The following CSGALNACT1 variants were observed in gnomAD, a reference collection of about 807,000 sequenced individuals.
The protein encoded by CSGALNACT1 is beta4GalNAcT-1.
Under a neutral mutation model 51.0 loss-of-function variants are expected in CSGALNACT1, and 52 were observed. The observed-to-expected ratio is 1.02, with a 90% confidence interval of 0.82 to 1.29. The LOEUF is 1.29. CSGALNACT1 is among the 50% of genes most tolerant of loss of function. The pLI is 0.00. For missense variants in CSGALNACT1, 935 were observed against 679.2 expected (o/e 1.38, Z -4.19); for synonymous variants, 341 against 254.4 (o/e 1.34, Z -3.24).
chr8:19,749,799 G>A (rs1277566368), intron 1 of CSGALNACT1, among the ~76,000 whole-genome samples: 2 of 152,188 alleles, frequency 1.3e-5, no homozygotes, highest in African/African-American at 2.4e-5. Flanking sequence ...CCCTTAAAGA[G>A]CTCCAGTAGT....
exon 10 of CSGALNACT1, chr8:19,405,075 C>A (rs1277051888): frequency 2.2e-6 from 1 of 453,546 alleles, no homozygotes; most frequent in Non-Finnish European, 4.4e-6. Context: ...AAATGTAGGC[C>A]AACTTGTGCT....
At position 19,641,275 on chromosome 8, in the gene CSGALNACT1, G is replaced by A. The variant is rs549139645; in HGVS notation, c.-543-39410C>T. The stretch of plus-strand genomic sequence containing the variant: ...CCCTCTATGCCCACAATCCCTACCC[G>A]TCCTGGGGAGTCTGGGCTTTCTCCA... On this transcript the variant is annotated intron_variant, in intron 1 of 9. Transcript: ENST00000332246. 1.6e-4 allele frequency among the ~76,000 whole-genome samples: 24 copies of A among 151,654 alleles called. No individual in the cohort carries two copies. The South Asian group carries it at 2.5e-3, about 16-fold the overall frequency.
chr8:19,677,197 T>G (rs1261617932), intron 1 of CSGALNACT1, among the ~76,000 whole-genome samples: 1 of 151,782 alleles, frequency 6.6e-6, no homozygotes, highest in Non-Finnish European at 1.5e-5. Flanking sequence ...CAGCCTTGAG[T>G]TTTTGGGCTC....
exon 4 of CSGALNACT1, chr8:19,505,739 C>T (rs2077211125): frequency 6.2e-7 from 1 of 1,614,162 alleles, no homozygotes; most frequent in Non-Finnish European, 8.5e-7. Context: ...GGGTGCAGGC[C>T]AACATGTACA....
exon 2 of CSGALNACT1, chr8:19,601,792 G>A: frequency 2.2e-6 from 1 of 454,012 alleles, no homozygotes; most frequent in Non-Finnish European, 4.4e-6. Flanking sequence ...AGAAGGGAAG[G>A]TTAGGAGGTG....
chr8:19,413,389 C>T (rs1323073689), intron 8 of CSGALNACT1, among the ~76,000 whole-genome samples: 2 of 152,182 alleles, frequency 1.3e-5, no homozygotes, highest in Non-Finnish European at 2.9e-5. Flanking sequence ...GCCCTCAATT[C>T]CTCATCTGTG....
intron 4 of CSGALNACT1, among the ~76,000 whole-genome samples, chr8:19,475,367 G>C (rs1222320776): frequency 6.6e-6 from 1 of 152,164 alleles, no homozygotes; most frequent in Non-Finnish European, 1.5e-5. Context: ...GGTCTGTTTG[G>C]ATCTTGGTTT....
At chr8:19,413,769 G>A (rs1331422399) in intron 8 of CSGALNACT1, among the ~76,000 whole-genome samples, 1 of 152,196 alleles carries the variant, frequency 6.6e-6, no homozygotes, top group Non-Finnish European at 1.5e-5. Context: ...GGCAGACTAA[G>A]ATGTGCATGT....
At chr8:19,475,794 A>G (rs2153889936) in intron 4 of CSGALNACT1, among the ~76,000 whole-genome samples, 1 of 152,330 alleles carries the variant, frequency 6.6e-6, no homozygotes, top group Non-Finnish European at 1.5e-5. Flanking sequence ...CAAGTCATAG[A>G]GTGACAGCTC....
Position 19,420,306 on chromosome 8 carries a change from G to A in CSGALNACT1, c.1132+34C>T, listed in dbSNP as rs6999786. 0.51 allele frequency: 824,429 copies of A among 1,608,222 alleles called. 218,413 individuals carry two copies. Among genetic ancestry groups the A allele is most frequent in the East Asian group, 0.83 (37,186 of 44,830 alleles). On this transcript the variant is annotated intron_variant, in intron 7 of 9. Coordinates refer to ENST00000454498, the Ensembl canonical transcript of CSGALNACT1. Reference sequence around the variant, plus strand: ...GACACATGGGCCCGAGAGGGCTGGGGGCCACCTGAGCGTGACAGAGAGATG... The same window carrying A: ...GACACATGGGCCCGAGAGGGCTGGGAGCCACCTGAGCGTGACAGAGAGATG...
intron 3 of CSGALNACT1, among the ~76,000 whole-genome samples, chr8:19,558,780 G>A (rs1026222762): frequency 4.6e-5 from 7 of 152,028 alleles, no homozygotes; most frequent in Non-Finnish European, 8.8e-5. Context: ...TACTGAACAA[G>A]TTTTAAATCC....
At chr8:19,614,545 T>C (rs1340122382) in intron 1 of CSGALNACT1, among the ~76,000 whole-genome samples, 1 of 152,240 alleles carries the variant, frequency 6.6e-6, no homozygotes, top group Non-Finnish European at 1.5e-5. Context: ...TTACATGTTA[T>C]ACTCTTCTAT....
intron 1 of CSGALNACT1, among the ~76,000 whole-genome samples, chr8:19,736,254 G>C (rs1029044057): frequency 6.6e-6 from 1 of 152,156 alleles, no homozygotes; most frequent in Non-Finnish European, 1.5e-5. Flanking sequence ...AGTTTTATTA[G>C]AATATCATTC....
chr8:19,750,433 G>A (rs1377551462), intron 1 of CSGALNACT1, among the ~76,000 whole-genome samples: 2 of 152,186 alleles, frequency 1.3e-5, no homozygotes, highest in Non-Finnish European at 2.9e-5. Flanking sequence ...GGGGAAGAGG[G>A]AAGGGAAGGG....
chr8:19,647,075 T>G (rs1428236535), intron 1 of CSGALNACT1, among the ~76,000 whole-genome samples: 1 of 151,840 alleles, frequency 6.6e-6, no homozygotes, highest in Non-Finnish European at 1.5e-5. Flanking sequence ...GAAGCCCGCT[T>G]AAGTGCAGCA....
At chr8:19,655,537 T>TACAACTATATGCAC (rs1474307984) in intron 1 of CSGALNACT1, among the ~76,000 whole-genome samples, 1 of 32,162 alleles carries the variant, frequency 3.1e-5, no homozygotes, top group Non-Finnish European at 5.9e-5. Flanking sequence ...TTTTTACATA[T>TACAACTATATGCAC]ACATCTATAT....
chr8:19,603,763 T>A (rs1281469436), upstream of CSGALNACT1, among the ~76,000 whole-genome samples: 2 of 152,202 alleles, frequency 1.3e-5, no homozygotes, highest in Non-Finnish European at 2.9e-5. Context: ...ATATCCTTCA[T>A]GAATACCCTT....
chr8:19,600,737 T>C (rs138696568), intron 2 of CSGALNACT1, among the ~76,000 whole-genome samples: 2 of 152,098 alleles, frequency 1.3e-5, no homozygotes, highest in Admixed American at 1.3e-4. Flanking sequence ...CACACCCTCA[T>C]TTAAGTACAG....
intron 4 of CSGALNACT1, among the ~76,000 whole-genome samples, chr8:19,503,813 G>A (rs955794502): frequency 6.7e-6 from 1 of 149,934 alleles, no homozygotes; most frequent in African/African-American, 2.5e-5. Flanking sequence ...CACCAAAGAT[G>A]ATCTTGTAAA....
Sources: gnomAD v4.1 joint callset for allele counts (sites outside exome capture counted in the v4.1 genomes callset) on GRCh38, gnomAD v4.1.1 for gene constraint, MANE v1.5 for transcripts, NCBI Gene and HGNC (gene_info 2026-07-23, HGNC 2026-07-21) for gene names.